RTF1: variants seen among roughly 807,000 people sequenced by gnomAD.
The protein encoded by RTF1 is RNA polymerase-associated protein RTF1 homolog.
A neutral mutation model predicts 95.7 loss-of-function variants in RTF1; 10 were observed. The ratio of observed to expected loss-of-function variants is 0.10; its 90% CI spans 0.06 to 0.18. RTF1 has a LOEUF of 0.18. Among genes scored for constraint, RTF1 ranks in the 10% least tolerant of loss-of-function variants. RTF1 has a pLI of 1.00. For synonymous variants in RTF1, 305 were observed against 311.8 expected, an observed-to-expected ratio of 0.98 and a Z score of 0.23; for missense variants, 458 against 875.6, an observed-to-expected ratio of 0.52 and a Z score of 6.02.
chr15:41,445,695 A>G (rs1167666546), intron 2 of RTF1, among the ~76,000 whole-genome samples: 6 of 151,568 alleles, frequency 4.0e-5, no homozygotes, highest in Admixed American at 4.0e-4. Context: ...GTCAGTTGGG[A>G]TTAAAAAAAA....
chr15:41,464,695 C>A, intron 4 of RTF1, 76 bp from the exon 5 acceptor site: 1 of 1,275,786 alleles, frequency 7.8e-7, no homozygotes, highest in South Asian at 1.5e-5. Context: ...TCCCTTAGTT[C>A]CTTTCTCCTA....
rs143690475 is a variant in RTF1, at chr15:41,470,112, C to T, written c.890-145C>T. 1.7e-3 allele frequency: 1,363 copies of T among 790,518 alleles called. 19 individuals carry two copies. The African/African-American group carries it at 0.019, about 11-fold the overall frequency. The allele number at this position is 790,518 out of a possible 1,614,324, so 49.0% of individuals were successfully genotyped here. On this transcript the variant is annotated intron_variant, in intron 6 of 17. Transcript: ENST00000389629. The stretch of plus-strand genomic sequence containing the variant: ...TTTAACTCTGTGTTTTAACTCATTT[C>T]TGTATATACCCCAAGTTAGCACAAT...
At chr15:41,426,762 G>A (rs1229723438) in intron 1 of RTF1, among the ~76,000 whole-genome samples, 1 of 106,270 alleles carries the variant, frequency 9.4e-6, no homozygotes, top group African/African-American at 3.6e-5. Flanking sequence ...AGTCTACTGT[G>A]CCCAGCCGCT....
chr15:41,417,167 G>A lies in RTF1; in HGVS notation c.52G>A (p.Ala18Thr). 11 of 1,262,808 alleles carry A rather than the reference G, an allele frequency of 8.7e-6. No individual in the cohort carries two copies. The highest frequency in any genetic ancestry group is 1.1e-5 in the Non-Finnish European group (11 of 999,954). 78.2% of individuals were successfully genotyped at this position (1,262,808 alleles called of 1,614,324 possible). ...AGCAGCGGCGGCGGCGGCGGCAGTG[G>A]CGGTCCCACTGGCAGGCGGGCAAGA... ...GRAAAAAAAV[A>T]VPLAGGQEGS... Residue 18 changes from alanine (A) to threonine (T), a missense_variant, in exon 1 of 18, where the codon GCG becomes ACG. Physicochemically the swap from Ala to Thr is moderately conservative, Grantham distance 58. This residue lies in a region of RTF1 where 81 missense variants were observed against 59.9 expected (regional missense o/e 1.35). Coordinates refer to ENST00000389629, the MANE Select transcript of RTF1 (RefSeq NM_015138.5).
intron 8 of RTF1, among the ~76,000 whole-genome samples, chr15:41,473,934 G>A (rs982859351): frequency 1.3e-5 from 2 of 152,050 alleles, no homozygotes; most frequent in African/African-American, 2.4e-5. Context: ...CTACTTGGGC[G>A]GCTGAGGCAG....
intron 14 of RTF1, among the ~76,000 whole-genome samples, chr15:41,478,221 C>A (rs222209): frequency 6.6e-6 from 1 of 151,944 alleles, no homozygotes; most frequent in Non-Finnish European, 1.5e-5. Context: ...GCCAACATGG[C>A]GAAACCCTGT....
intron 1 of RTF1, among the ~76,000 whole-genome samples, chr15:41,427,406 C>T (rs1385204936): frequency 2.0e-5 from 3 of 152,114 alleles, no homozygotes; most frequent in Non-Finnish European, 4.4e-5. Flanking sequence ...CCACCCTGGC[C>T]TCCCAAAGTG....
chr15:41,458,705 C>T (rs1045003925), intron 4 of RTF1, among the ~76,000 whole-genome samples: 2 of 150,912 alleles, frequency 1.3e-5, no homozygotes, highest in African/African-American at 2.4e-5. Flanking sequence ...GCTGAGATGG[C>T]GCCACTGCAC....
intron 3 of RTF1, among the ~76,000 whole-genome samples, chr15:41,454,675 G>A (rs1457073057): frequency 2.0e-5 from 3 of 152,120 alleles, no homozygotes; most frequent in Non-Finnish European, 4.4e-5. Flanking sequence ...GGGACAAACA[G>A]ATGTTAGGGC....
Position 41,477,209 on chromosome 15 carries a change from C to T in RTF1, c.1605C>T (p.Ile535=). Residue 535 remains isoleucine (I), a synonymous_variant, in exon 13 of 18, where the codon ATC becomes ATT. Transcript: ENST00000389629. The part of the protein sequence containing the change: ...DLGDQDKAKQ[I]QDQLNELEER... Reference sequence around the variant, plus strand: ...GGGATCAGGACAAGGCCAAACAAATCCAAGATCAACTGAATGAGCTGGAGG... The same window carrying T: ...GGGATCAGGACAAGGCCAAACAAATTCAAGATCAACTGAATGAGCTGGAGG... The T allele has an allele frequency of 6.2e-7, 1 of 1,614,222 alleles. No individual in the cohort carries two copies. The highest frequency in any genetic ancestry group is 1.1e-5 in the South Asian group (1 of 91,080).
chr15:41,424,158 TGAGA>T (rs1225459943), intron 1 of RTF1, among the ~76,000 whole-genome samples: 2 of 152,096 alleles, frequency 1.3e-5, no homozygotes, highest in African/African-American at 4.8e-5. Flanking sequence ...TAAAGTGGAA[TGAGA>T]GAGAGATGAG....
chr15:41,438,816 G>A (rs893959575), intron 2 of RTF1, among the ~76,000 whole-genome samples: 1 of 151,300 alleles, frequency 6.6e-6, no homozygotes, highest in African/African-American at 2.4e-5. Flanking sequence ...AGCCGGGATC[G>A]CCCCACTGCA....
chr15:41,478,819 T>C, intron 15 of RTF1, 194 bp downstream of exon 15: 1 of 618,906 alleles, frequency 1.6e-6, no homozygotes, highest in South Asian at 2.0e-5. Context: ...GTGGCATGGA[T>C]TTATAAAAAC....
intron 16 of RTF1, 103 bp from the exon 17 acceptor site, chr15:41,480,111 T>C: frequency 5.5e-6 from 4 of 725,252 alleles, no homozygotes; most frequent in East Asian, 2.6e-5. Flanking sequence ...AGTAGGAAAA[T>C]CTAATGAACT....
rs1167126897 is a variant in RTF1, at chr15:41,481,084, T to C, written c.*397T>C. ...GCACCAGGCGGTCTCCTCTACAGACTGCCTTGGCCCACCCATTGAACATTC... is the reference window on the plus strand; with the variant it reads ...GCACCAGGCGGTCTCCTCTACAGACCGCCTTGGCCCACCCATTGAACATTC... On this transcript the variant is annotated 3_prime_UTR_variant, in exon 18 of 18. Coordinates refer to ENST00000389629, the MANE Select transcript of RTF1 (RefSeq NM_015138.5). 2 of 168,204 alleles carry C rather than the reference T, an allele frequency of 1.2e-5. No individual in the cohort carries two copies. Among genetic ancestry groups the C allele is most frequent in the African/African-American group, 4.7e-5 (2 of 42,146 alleles). 10.4% of individuals were successfully genotyped at this position (168,204 alleles called of 1,614,324 possible).
chr15:41,460,018 C>G (rs1419545162), intron 4 of RTF1, among the ~76,000 whole-genome samples: 2 of 152,064 alleles, frequency 1.3e-5, no homozygotes, highest in African/African-American at 2.4e-5. Context: ...TTTTGTTTGT[C>G]CCTTCTGGAG....
chr15:41,462,708 A>G (rs768064729), intron 4 of RTF1, among the ~76,000 whole-genome samples: 3 of 152,002 alleles, frequency 2.0e-5, no homozygotes, highest in Admixed American at 6.6e-5. Context: ...GGCAACCACT[A>G]ATCTCCTTTC....
At chr15:41,446,348 A>G (rs973507013) in intron 2 of RTF1, among the ~76,000 whole-genome samples, 1 of 151,980 alleles carries the variant, frequency 6.6e-6, no homozygotes, top group Non-Finnish European at 1.5e-5. Context: ...AGGCGGGCGG[A>G]TCACGAGGTC....
chr15:41,452,178 G>A (rs1162641703), intron 2 of RTF1, among the ~76,000 whole-genome samples: 3 of 152,232 alleles, frequency 2.0e-5, no homozygotes, highest in Non-Finnish European at 2.9e-5. Flanking sequence ...GCTCACACCT[G>A]TAATCCCAGC....
Sources: allele counts gnomAD v4.1 joint callset (sites outside exome capture counted in the v4.1 genomes callset), GRCh38; gene constraint gnomAD v4.1.1; regional missense constraint gnomAD v4.1.1; transcripts MANE v1.5; gene names NCBI Gene and HGNC (gene_info 2026-07-23, HGNC 2026-07-21).